Variants in CYSLTR2 observed in about 807,000 individuals in gnomAD.
The protein encoded by CYSLTR2 is G-protein coupled receptor GPCR21.
For synonymous variants in CYSLTR2, 179 were observed against 160.8 expected (o/e 1.11, Z -0.86); for missense variants, 398 against 411.9 (o/e 0.97, Z 0.29).
At chr13:48,692,247 A>T (rs1406219436) in intron 2 of CYSLTR2, among the ~76,000 whole-genome samples, 1 of 152,068 alleles carries the variant, frequency 6.6e-6, no homozygotes, top group Non-Finnish European at 1.5e-5. Context: ...TTATTAAAGC[A>T]AGGAGTCTTT....
At chr13:48,700,469 AC>A (rs568049105) in intron 4 of CYSLTR2, among the ~76,000 whole-genome samples, 78 of 152,248 alleles carry the variant, frequency 5.1e-4, no homozygotes, top group African/African-American at 1.8e-3. Context: ...AAATTCAACA[AC>A]CCTTCATGCT....
At chr13:48,700,785 AGCTGAT>A (rs1283315565) in intron 4 of CYSLTR2, among the ~76,000 whole-genome samples, 2 of 152,344 alleles carry the variant, frequency 1.3e-5, no homozygotes, top group East Asian at 3.9e-4. Context: ...AATCTCCTTA[AGCTGAT>A]AAGCAACTTC....
intron 1 of CYSLTR2, among the ~76,000 whole-genome samples, chr13:48,672,170 T>C (rs1306548834): frequency 2.6e-5 from 4 of 152,150 alleles, no homozygotes; most frequent in Non-Finnish European, 5.9e-5. Context: ...GATTCTTCTG[T>C]CTTTTCTTCT....
intron 1 of CYSLTR2, among the ~76,000 whole-genome samples, chr13:48,674,875 A>C (rs1953551234): frequency 6.6e-6 from 1 of 152,218 alleles, no homozygotes; most frequent in African/African-American, 2.4e-5. Flanking sequence ...TCTAACAGTC[A>C]GGCCTGTCTT....
At chr13:48,693,042 C>T (rs1954076580) in intron 2 of CYSLTR2, among the ~76,000 whole-genome samples, 1 of 151,488 alleles carries the variant, frequency 6.6e-6, no homozygotes, top group Non-Finnish European at 1.5e-5. Flanking sequence ...TAATTTGTAG[C>T]ATTGTAAGAA....
intron 1 of CYSLTR2, among the ~76,000 whole-genome samples, chr13:48,657,527 A>T (rs923487573): frequency 2.0e-5 from 3 of 151,682 alleles, no homozygotes; most frequent in Non-Finnish European, 4.4e-5. Context: ...AGGGAAAGAG[A>T]TGGAAAAGGA....
At chr13:48,664,651 G>T (rs1168152341) in intron 1 of CYSLTR2, among the ~76,000 whole-genome samples, 1 of 151,880 alleles carries the variant, frequency 6.6e-6, no homozygotes, top group Non-Finnish European at 1.5e-5. Flanking sequence ...ATGATCCTTT[G>T]TATTTCTGTG....
Position 48,710,777 on chromosome 13 carries a change from T to C in CYSLTR2, c.*2919T>C, listed in dbSNP as rs1954613319. ...TGTGGGTGGAAGACATGAACAGAAA[T>C]GTGTTCCAATTGACAGCAATCGGGT... On this transcript the variant is annotated 3_prime_UTR_variant, in exon 5 of 5. Transcript: ENST00000682523. 1 of 152,174 alleles carries C rather than the reference T, an allele frequency of 6.6e-6. No homozygotes were observed. The highest frequency in any genetic ancestry group is 1.5e-5 in the Non-Finnish European group (1 of 68,032). The allele number at this position is 152,174 out of a possible 1,614,324, so 9.4% of individuals were successfully genotyped here.
intron 1 of CYSLTR2, among the ~76,000 whole-genome samples, chr13:48,682,228 C>A (rs1953775172): frequency 1.3e-5 from 2 of 152,140 alleles, no homozygotes; most frequent in South Asian, 2.1e-4. Flanking sequence ...GCTGCCTGTA[C>A]CACCTCTAGT....
At chr13:48,689,156 G>A (rs1161688339) in intron 1 of CYSLTR2, among the ~76,000 whole-genome samples, 2 of 152,118 alleles carry the variant, frequency 1.3e-5, no homozygotes, top group Non-Finnish European at 2.9e-5. Context: ...CTGGATATTA[G>A]CCCTTTGTCA....
chr13:48,658,175 G>A (rs958289250), intron 1 of CYSLTR2, among the ~76,000 whole-genome samples: 9 of 152,088 alleles, frequency 5.9e-5, no homozygotes, highest in Non-Finnish European at 1.0e-4. Flanking sequence ...AAGATATAAA[G>A]GGTGCTGCTT....
chr13:48,695,550 T>G (rs781284413), intron 3 of CYSLTR2, among the ~76,000 whole-genome samples: 1 of 152,042 alleles, frequency 6.6e-6, no homozygotes, highest in Non-Finnish European at 1.5e-5. Context: ...TGCCTCAAAC[T>G]CCACTCTTTA....
At chr13:48,659,316 G>C (rs1375066512) in intron 1 of CYSLTR2, among the ~76,000 whole-genome samples, 1 of 152,176 alleles carries the variant, frequency 6.6e-6, no homozygotes, top group Non-Finnish European at 1.5e-5. Context: ...CTGCCTCCTG[G>C]GGTCCTCTCA....
intron 3 of CYSLTR2, chr13:48,694,813 G>C (rs1479561432): frequency 6.6e-6 from 1 of 152,142 alleles, no homozygotes; most frequent in East Asian, 1.9e-4. Context: ...GGTTGTGGGG[G>C]AATGGAGAGG....
chr13:48,691,079 C>T (rs1566098072), intron 1 of CYSLTR2, 133 bp from the exon 2 acceptor site: 1 of 151,966 alleles, frequency 6.6e-6, no homozygotes, highest in Non-Finnish European at 1.5e-5. Context: ...GCCATCTGAA[C>T]TTATTTTATA....
Position 48,688,453 on chromosome 13 carries a change from T to C in CYSLTR2, c.-265-2759T>C, listed in dbSNP as rs138825240. 4.4e-3 allele frequency among the ~76,000 whole-genome samples: 669 copies of C among 152,326 alleles called. 3 individuals carry two copies. Among genetic ancestry groups the C allele is most frequent in the Middle Eastern group, 0.014 (4 of 294 alleles). On this transcript the variant is annotated intron_variant, in intron 1 of 4. Coordinates refer to ENST00000682523, the MANE Select transcript of CYSLTR2 (RefSeq NM_001308476.3). ...CCCTGATGTGTGATGTTCCCCTCCC[T>C]GTGTCCGTGTGTTCTCATTATTCAA...
At position 48,673,773 on chromosome 13, in the gene CYSLTR2, T is replaced by C. The variant is rs1296808057; in HGVS notation, c.-265-17439T>C. On this transcript the variant is annotated intron_variant, in intron 1 of 4. Transcript: ENST00000682523. ...CACTAGCTGGTACCGGTTTTTCTTT[T>C]CCATATTTAGTGCTTCCTTTGGAGC... Among the ~76,000 whole-genome samples, 5 of 152,194 alleles carry C rather than the reference T, an allele frequency of 3.3e-5. No homozygotes were observed. In the East Asian group the frequency reaches 9.6e-4, roughly 29 times the overall value.
intron 4 of CYSLTR2, among the ~76,000 whole-genome samples, chr13:48,704,604 G>A (rs1254423615): frequency 6.7e-6 from 1 of 148,416 alleles, no homozygotes; most frequent in Non-Finnish European, 1.5e-5. Flanking sequence ...ATACAGTTTT[G>A]TCCTAATACT....
rs191791265 is a variant in CYSLTR2 at position 48,694,275 on chromosome 13, A to G, written c.-103+765A>G. On this transcript the variant is annotated intron_variant, in intron 3 of 4. Coordinates refer to ENST00000682523, the MANE Select transcript of CYSLTR2 (RefSeq NM_001308476.3). ...GACGCAAAGTTTATCCAAAGGCCAAAGTTTGTCTAAAGCATGTCAGTCCTG... is the reference window on the plus strand; with the variant it reads ...GACGCAAAGTTTATCCAAAGGCCAAGGTTTGTCTAAAGCATGTCAGTCCTG... Among the ~76,000 whole-genome samples the G allele has an allele frequency of 2.0e-5, 3 of 152,346 alleles. No homozygotes were observed. The East Asian group carries it at 5.8e-4, about 29-fold the overall frequency.
Sources: allele counts gnomAD v4.1 joint callset (sites outside exome capture counted in the v4.1 genomes callset), GRCh38; gene constraint gnomAD v4.1.1; transcripts MANE v1.5; gene names NCBI Gene and HGNC (gene_info 2026-07-23, HGNC 2026-07-21).